MARS1: variants seen among roughly 807,000 people sequenced by gnomAD.
MARS1 encodes the protein methionyl-tRNA synthetase 1.
In MARS1, 80 loss-of-function variants were observed where a neutral mutation model predicts 119.5. The observed-to-expected ratio is 0.67, with a 90% CI of 0.56 to 0.81. The LOEUF (loss-of-function observed/expected upper bound fraction) is 0.81. MARS1 is among the 30% of genes least tolerant of loss of function. The pLI, the probability that MARS1 is intolerant of heterozygous loss-of-function variation, is 0.00. For synonymous variants in MARS1, 418 were observed against 433.4 expected, an observed-to-expected ratio of 0.96 and a Z score of 0.44; for missense variants, 945 against 1,116.5, an observed-to-expected ratio of 0.85 and a Z score of 2.19.
Position 57,512,327 on chromosome 12 carries a change from C to G in MARS1, c.1727C>G (p.Thr576Ser), listed in dbSNP as rs1357906437. ...GCCCTAGGAGCTGAGGATAACTATA[C>G]CTTGGTCAGCCACCTCATTGCTACA... ...CSALGAEDNY[T>S]LVSHLIATEY... The change falls in exon 14 of 21, where the codon ACC (threonine) becomes AGC (serine). Residue 576 changes from threonine (T) to serine (S), a missense_variant. Coordinates refer to ENST00000262027, the MANE Select transcript of MARS1 (RefSeq NM_004990.4). 1.2e-6 allele frequency: 2 copies of G among 1,613,924 alleles called. No homozygotes were observed. The highest frequency in any genetic ancestry group is 2.2e-5 in the East Asian group (1 of 44,876).
intron 7 of MARS1, 139 bp downstream of exon 7, chr12:57,490,783 T>A: frequency 2.5e-6 from 1 of 404,546 alleles, no homozygotes. Flanking sequence ...TACATCTCTT[T>A]TTTTTTTTTT....
chr12:57,514,678 T>TC, intron 15 of MARS1, 42 bp from the exon 16 acceptor site: 1 of 1,612,548 alleles, frequency 6.2e-7, no homozygotes, highest in Non-Finnish European at 8.5e-7. Context: ...GATAATAACT[T>TC]CCCCTCTTTT....
chr12:57,493,914 A>T (rs1430479732), intron 7 of MARS1, among the ~76,000 whole-genome samples: 5 of 71,670 alleles, frequency 7.0e-5, no homozygotes, highest in South Asian at 6.9e-4. Context: ...TAATATATAT[A>T]ATATATATAA....
rs146180555 is a variant in MARS1, at chr12:57,492,019, C to G, written c.770+1375C>G. 1.9e-3 allele frequency among the ~76,000 whole-genome samples: 291 copies of G among 152,226 alleles called. 2 individuals carry two copies. Among genetic ancestry groups the G allele is most frequent in the African/African-American group, 6.6e-3 (275 of 41,532 alleles). The stretch of plus-strand genomic sequence containing the variant: ...TCCAGGCCGGGCGCGGTGGCTCATG[C>G]CTGTAATCCTAGCACTTTGGGAGGC... On this transcript the variant is annotated intron_variant, in intron 7 of 20. Coordinates refer to ENST00000262027, the MANE Select transcript of MARS1 (RefSeq NM_004990.4).
At chr12:57,493,793 A>AT (rs1876355130) in intron 7 of MARS1, among the ~76,000 whole-genome samples, 1 of 1,834 alleles carries the variant, frequency 5.5e-4, no homozygotes, top group African/African-American at 1.4e-3. Context: ...TATATATTAT[A>AT]TATTATATTA....
rs535382388 is a variant in MARS1 at position 57,495,344 on chromosome 12, A to G, written c.771-2813A>G. 2.6e-3 allele frequency among the ~76,000 whole-genome samples: 332 copies of G among 127,656 alleles called. 2 individuals are homozygous for G. The highest frequency in any genetic ancestry group is 9.8e-3 in the African/African-American group (324 of 33,226). The allele number at this position is 127,656 out of a possible 152,430, so 83.7% of individuals were successfully genotyped here. ...GATGGGGTGGCGGTCGGGCAGAGACACTCCTCAGATCCCAGACGGGGTCGC... is the reference window on the plus strand; with the variant it reads ...GATGGGGTGGCGGTCGGGCAGAGACGCTCCTCAGATCCCAGACGGGGTCGC... On this transcript the variant is annotated intron_variant, in intron 7 of 20. Coordinates refer to ENST00000262027, the MANE Select transcript of MARS1 (RefSeq NM_004990.4).
rs76780434 is a variant in MARS1, at chr12:57,501,820, TA to T, written c.1293+1313del. Among the ~76,000 whole-genome samples, 863 of 121,190 alleles carry T rather than the reference TA, an allele frequency of 7.1e-3. 1 individual carries two copies. The highest frequency in any genetic ancestry group is 0.01 in the Middle Eastern group (2 of 198). The allele number at this position is 121,190 out of a possible 152,430, so 79.5% of individuals were successfully genotyped here. A position where few individuals can be genotyped will look rare whatever the true frequency, so the allele number is the denominator to read the frequency against. On this transcript the variant is annotated intron_variant, in intron 10 of 20. Coordinates refer to ENST00000262027, the MANE Select transcript of MARS1 (RefSeq NM_004990.4). ...CTGGGTTACAAAGTAAGACTCTGTC[TA>T]AAAAAAAAAAAAAACCACAAAAATT...
intron 10 of MARS1, among the ~76,000 whole-genome samples, chr12:57,501,800 T>C (rs1437295096): frequency 6.6e-6 from 1 of 150,780 alleles, no homozygotes; most frequent in Admixed American, 6.6e-5. Flanking sequence ...CCAGCCTGGG[T>C]TACAAAGTAA....
chr12:57,515,917 C>T lies in MARS1; in HGVS notation c.2392-3C>T. On this transcript the variant is annotated splice_region_variant and splice_polypyrimidine_tract_variant and intron_variant, in intron 18 of 20. Transcript: ENST00000262027. ...AGATGATTCTGGAACTCTTTTTTTA[C>T]AGGTCAGTCCCTTGTTCCAAAAATT... 6.2e-7 allele frequency: 1 copy of T among 1,609,778 alleles called. No individual in the cohort carries two copies. Among genetic ancestry groups the T allele is most frequent in the Non-Finnish European group, 8.5e-7 (1 of 1,178,108 alleles).
chr12:57,490,968 C>G (rs1305612862), intron 7 of MARS1, among the ~76,000 whole-genome samples: 1 of 150,944 alleles, frequency 6.6e-6, no homozygotes, highest in Admixed American at 6.6e-5. Context: ...CCTCCGCCTC[C>G]CGGGTTCAAG....
intron 7 of MARS1, among the ~76,000 whole-genome samples, chr12:57,494,328 CTTTTTTTTT>C (rs71448526): frequency 3.3e-5 from 4 of 121,222 alleles, no homozygotes; most frequent in African/African-American, 1.3e-4. Context: ...TCTTTTTTTT[CTTTTTTTTT>C]TTTTTTTTGA....
chr12:57,498,537 G>A lies in MARS1; in HGVS notation c.1005G>A (p.Lys335=). 6.2e-7 allele frequency: 1 copy of A among 1,614,214 alleles called. No individual in the cohort carries two copies. Among genetic ancestry groups the A allele is most frequent in the African/African-American group, 1.3e-5 (1 of 75,048 alleles). The change falls in exon 9 of 21, where the codon AAG becomes AAA. Residue 335 remains lysine (K), a synonymous_variant. Coordinates refer to ENST00000262027, the MANE Select transcript of MARS1 (RefSeq NM_004990.4). ...TAACCCCCCAGGAGATCTGCGACAA[G>A]TACCACATCATCCATGCTGACATCT... The part of the protein sequence containing the change: ...EGLTPQEICD[K]YHIIHADIYR...
chr12:57,504,107 A>G, intron 10 of MARS1, 118 bp from the exon 11 acceptor site: 1 of 708,410 alleles, frequency 1.4e-6, no homozygotes, highest in Non-Finnish European at 2.6e-6. Flanking sequence ...TTGGAGTGTG[A>G]GCCTGAAGCT....
chr12:57,499,909 A>G (rs1454236421), intron 9 of MARS1, among the ~76,000 whole-genome samples: 3 of 152,164 alleles, frequency 2.0e-5, no homozygotes, highest in Admixed American at 6.5e-5. Flanking sequence ...AAAACAAACA[A>G]AAAAACCCCC....
intron 18 of MARS1, 103 bp downstream of exon 18, chr12:57,515,439 T>C (rs1442266264): frequency 3.5e-6 from 4 of 1,154,428 alleles, no homozygotes; most frequent in African/African-American, 1.5e-5. Flanking sequence ...ACTTTGGTCA[T>C]GGGACTCCTA....
chr12:57,495,420 C>T (rs902998285), intron 7 of MARS1, among the ~76,000 whole-genome samples: 3 of 148,712 alleles, frequency 2.0e-5, no homozygotes, highest in South Asian at 2.1e-4. Flanking sequence ...GGGGCAGAGG[C>T]GCTCCCCACA....
At chr12:57,508,649 T>C (rs1277896982) in intron 11 of MARS1, among the ~76,000 whole-genome samples, 1 of 148,328 alleles carries the variant, frequency 6.7e-6, no homozygotes, top group East Asian at 2.0e-4. Flanking sequence ...AGGGAGACCG[T>C]GGAAAGAGAG....
chr12:57,515,874 A>G, intron 18 of MARS1, 46 bp from the exon 19 acceptor site: 1 of 1,442,048 alleles, frequency 6.9e-7, no homozygotes, highest in South Asian at 1.2e-5. Flanking sequence ...TCTATGGTAG[A>G]GTCTGTATCC....
At chr12:57,488,590 A>C in intron 1 of MARS1, 1 of 1,551,058 alleles carries the variant, frequency 6.4e-7, no homozygotes, top group Non-Finnish European at 8.7e-7. Flanking sequence ...CCTAACACAC[A>C]CACACGTTCC....
Sources: allele counts gnomAD v4.1 joint callset (sites outside exome capture counted in the v4.1 genomes callset), GRCh38; gene constraint gnomAD v4.1.1; transcripts MANE v1.5; gene names NCBI Gene and HGNC (gene_info 2026-07-23, HGNC 2026-07-21).